Variants in FAR2 observed in about 807,000 individuals in gnomAD.
FAR2 encodes epididymis secretory protein Li 81.
A neutral mutation model predicts 56.0 loss-of-function variants in FAR2; 19 were observed. The observed-to-expected ratio is 0.34, with a 90% confidence interval of 0.24 to 0.50. FAR2 has a LOEUF of 0.50. FAR2 is among the 20% of genes least tolerant of loss of function. The pLI is 0.98. For missense variants in FAR2, 508 were observed against 642.2 expected, an observed-to-expected ratio of 0.79 and a Z score of 2.26; for synonymous variants, 219 against 218.8, an observed-to-expected ratio of 1.00 and a Z score of -0.01.
intron 2 of FAR2, among the ~76,000 whole-genome samples, chr12:29,289,212 CG>C (rs1565506678): frequency 6.6e-6 from 1 of 151,902 alleles, no homozygotes; most frequent in Admixed American, 6.6e-5. Flanking sequence ...TATTTGGAAC[CG>C]CAAAAGACTG....
chr12:29,233,381 T>TC (rs1326799295), intron 1 of FAR2, among the ~76,000 whole-genome samples: 1 of 152,126 alleles, frequency 6.6e-6, no homozygotes. Context: ...CCTCACTCCT[T>TC]CACTCTTCAC....
chr12:29,290,823 A>G (rs538118620), intron 2 of FAR2, among the ~76,000 whole-genome samples: 10 of 152,314 alleles, frequency 6.6e-5, no homozygotes, highest in East Asian at 5.8e-4. Context: ...TCATGGACAT[A>G]AAGAGTAGAA....
chr12:29,252,247 T>C (rs2136678030), intron 1 of FAR2, among the ~76,000 whole-genome samples: 1 of 152,260 alleles, frequency 6.6e-6, no homozygotes. Flanking sequence ...TCATGCCCTG[T>C]AATTAAGGTC....
intron 1 of FAR2, among the ~76,000 whole-genome samples, chr12:29,211,339 AC>A (rs1482818968): frequency 6.6e-6 from 1 of 152,176 alleles, no homozygotes; most frequent in Non-Finnish European, 1.5e-5. Flanking sequence ...TTCTTACATA[AC>A]CCAGTCAAAA....
intron 2 of FAR2, 149 bp from the exon 3 acceptor site, chr12:29,293,151 G>A (rs4516008): frequency 4.9e-4 from 296 of 599,186 alleles, no homozygotes; most frequent in Non-Finnish European, 7.0e-4. Context: ...ACAGGCATAT[G>A]CCACCATGCC....
chr12:29,246,097 A>AGGG (rs1948123930), intron 1 of FAR2, among the ~76,000 whole-genome samples: 1 of 151,802 alleles, frequency 6.6e-6, no homozygotes, highest in East Asian at 1.9e-4. Flanking sequence ...TTTAATATAT[A>AGGG]CATCAAATTT....
At position 29,332,731 on chromosome 12, in the gene FAR2, AG is replaced by A. The variant is rs750734743; in HGVS notation, c.1385+5del. The A allele has an allele frequency of 6.2e-7, 1 of 1,611,290 alleles. No homozygotes were observed. Among genetic ancestry groups the A allele is most frequent in the South Asian group, 1.1e-5 (1 of 90,858 alleles). Reference sequence around the variant, plus strand: ...AAGCAAAGCAACGCTTAAAAAGGTAAGTATAATCAGTCAGTTAATATTTATT... The same window carrying A: ...AAGCAAAGCAACGCTTAAAAAGGTAATATAATCAGTCAGTTAATATTTATT... On this transcript the variant is annotated splice_donor_5th_base_variant and intron_variant, in intron 11 of 11. Transcript: ENST00000536681.
chr12:29,230,391 G>C (rs903786775), intron 1 of FAR2, among the ~76,000 whole-genome samples: 5 of 152,118 alleles, frequency 3.3e-5, no homozygotes, highest in African/African-American at 1.2e-4. Context: ...TCTGGGAACA[G>C]ACAGCACTGT....
At chr12:29,157,109 TATATATATA>T (rs1565676096) in intron 1 of FAR2, 29 of 64,102 alleles carry the variant, frequency 4.5e-4, no homozygotes, top group African/African-American at 1.8e-3. Context: ...GAACATTTTA[TATATATATA>T]TATATATATA....
chr12:29,250,211 T>C (rs1295098111), intron 1 of FAR2, among the ~76,000 whole-genome samples: 1 of 152,204 alleles, frequency 6.6e-6, no homozygotes, highest in Non-Finnish European at 1.5e-5. Flanking sequence ...GTGTCTTCAC[T>C]ATGTATGTAT....
At chr12:29,268,743 A>T (rs1232247367) in intron 1 of FAR2, among the ~76,000 whole-genome samples, 1 of 152,178 alleles carries the variant, frequency 6.6e-6, no homozygotes, top group African/African-American at 2.4e-5. Context: ...TATTTTCCTT[A>T]AGCATCAGCC....
intron 1 of FAR2, among the ~76,000 whole-genome samples, chr12:29,193,430 C>T (rs1950118924): frequency 6.6e-6 from 1 of 152,156 alleles, no homozygotes; most frequent in African/African-American, 2.4e-5. Flanking sequence ...CCCTAGCAAC[C>T]ACTGATCATT....
At chr12:29,149,903 C>T (rs1017723182) in intron 1 of FAR2, among the ~76,000 whole-genome samples, 1 of 152,306 alleles carries the variant, frequency 6.6e-6, no homozygotes, top group Non-Finnish European at 1.5e-5. Flanking sequence ...ACCGCCAGGG[C>T]GCCCAGTCCT....
chr12:29,280,679 G>A (rs559292740), intron 2 of FAR2: 1 of 152,290 alleles, frequency 6.6e-6, no homozygotes, highest in East Asian at 1.9e-4. Flanking sequence ...AGTCATTCAA[G>A]GATCCATGCT....
chr12:29,329,290 C>T (rs1292036143), intron 10 of FAR2, among the ~76,000 whole-genome samples: 1 of 152,116 alleles, frequency 6.6e-6, no homozygotes, highest in Non-Finnish European at 1.5e-5. Flanking sequence ...GTAGGCTTAT[C>T]CTTATGTATT....
At chr12:29,298,884 T>C (rs1481065878) in intron 4 of FAR2, among the ~76,000 whole-genome samples, 2 of 151,946 alleles carry the variant, frequency 1.3e-5, no homozygotes, top group Non-Finnish European at 2.9e-5. Context: ...ATAGTGCAAT[T>C]TGAGGTAGCA....
chr12:29,201,123 G>C (rs984871398), intron 1 of FAR2, among the ~76,000 whole-genome samples: 1 of 151,906 alleles, frequency 6.6e-6, no homozygotes, highest in South Asian at 2.1e-4. Flanking sequence ...CTTCCTTTCC[G>C]TCTTCCTTTT....
At chr12:29,294,321 T>C (rs751728303) in intron 3 of FAR2, among the ~76,000 whole-genome samples, 4 of 152,128 alleles carry the variant, frequency 2.6e-5, no homozygotes, top group Non-Finnish European at 5.9e-5. Flanking sequence ...TATTAAGACT[T>C]CTTGAAAGTT....
chr12:29,309,333 T>C, intron 6 of FAR2, 103 bp downstream of exon 6: 1 of 808,572 alleles, frequency 1.2e-6, no homozygotes, highest in Non-Finnish European at 2.1e-6. Context: ...ACATAAATGT[T>C]ACTTTACTAA....
Sources: gnomAD v4.1 joint callset for allele counts (sites outside exome capture counted in the v4.1 genomes callset) on GRCh38, gnomAD v4.1.1 for gene constraint, MANE v1.5 for transcripts, NCBI Gene and HGNC (gene_info 2026-07-23, HGNC 2026-07-21) for gene names.